MAD1L1: variants seen among roughly 807,000 people sequenced by gnomAD.
MAD1L1 encodes mitotic spindle assembly checkpoint protein MAD1.
In MAD1L1, 95 loss-of-function variants were observed where a neutral mutation model predicts 96.9. The observed-to-expected ratio is 0.98, with a 90% CI of 0.83 to 1.16. The LOEUF is 1.16. Among genes scored for constraint, MAD1L1 ranks in the 50% most tolerant of loss-of-function variants. The pLI is 0.00. For synonymous variants in MAD1L1, 473 were observed against 396.6 expected (o/e 1.19, Z -2.29); for missense variants, 1,007 against 954.4 (o/e 1.06, Z -0.73).
At chr7:2,044,651 C>G (rs1243540625) in intron 12 of MAD1L1, among the ~76,000 whole-genome samples, 4 of 152,174 alleles carry the variant, frequency 2.6e-5, no homozygotes, top group Admixed American at 6.5e-5. Context: ...CAAGCCTCTC[C>G]ACTGCTCCAG....
At chr7:2,170,756 G>T (rs571271221) in intron 10 of MAD1L1, among the ~76,000 whole-genome samples, 1 of 152,296 alleles carries the variant, frequency 6.6e-6, no homozygotes, top group East Asian at 1.9e-4. Flanking sequence ...GAACTAGCAG[G>T]ATCCCAGGAA....
intron 14 of MAD1L1, among the ~76,000 whole-genome samples, chr7:2,000,074 C>T (rs545522743): frequency 6.6e-6 from 1 of 152,290 alleles, no homozygotes; most frequent in Admixed American, 6.5e-5. Context: ...ACCTCTGACC[C>T]CAGGGCACCG....
chr7:1,832,301 G>A (rs900819021), intron 18 of MAD1L1, among the ~76,000 whole-genome samples: 14 of 152,164 alleles, frequency 9.2e-5, no homozygotes, highest in African/African-American at 3.4e-4. Flanking sequence ...TAGAAGCAGA[G>A]CCTGAAGATG....
At chr7:2,212,050 G>A (rs1282724426) in intron 10 of MAD1L1, among the ~76,000 whole-genome samples, 1 of 152,212 alleles carries the variant, frequency 6.6e-6, no homozygotes, top group Non-Finnish European at 1.5e-5. Context: ...GCGCACACAG[G>A]GCAACCAGGA....
At chr7:2,231,579 C>T (rs1455207582) in intron 1 of MAD1L1, among the ~76,000 whole-genome samples, 2 of 151,954 alleles carry the variant, frequency 1.3e-5, no homozygotes, top group Admixed American at 6.6e-5. Context: ...TGCATTCCAG[C>T]CTGGGTGCCA....
At chr7:1,975,953 G>C (rs1429996936) in intron 15 of MAD1L1, among the ~76,000 whole-genome samples, 1 of 152,230 alleles carries the variant, frequency 6.6e-6, no homozygotes, top group Non-Finnish European at 1.5e-5. Flanking sequence ...TTTAGGATTT[G>C]CTAGAGCTGC....
chr7:2,112,046 C>T lies in MAD1L1; in HGVS notation c.1073+37106G>A, dbSNP rs1016039328. ...ACGAATAAACAAGTCCCAGAGCAGC[C>T]GTGCCTGGAGCATCACTCAGCAACG... On this transcript the variant is annotated intron_variant, in intron 11 of 18. Coordinates refer to ENST00000265854, the MANE Select transcript of MAD1L1 (RefSeq NM_001013836.2). 4.6e-5 allele frequency among the ~76,000 whole-genome samples: 7 copies of T among 152,286 alleles called. No individual in the cohort carries two copies. The East Asian group carries it at 1.2e-3, about 25-fold the overall frequency.
At chr7:1,896,498 G>A (rs991519085) in intron 18 of MAD1L1, among the ~76,000 whole-genome samples, 4 of 152,204 alleles carry the variant, frequency 2.6e-5, no homozygotes, top group Admixed American at 1.3e-4. Context: ...ACTTGCTGAC[G>A]GTGTTTTTAA....
chr7:1,826,339 C>T (rs140786842), intron 18 of MAD1L1, among the ~76,000 whole-genome samples: 2,329 of 152,210 alleles, frequency 0.015, 57 homozygotes, highest in African/African-American at 0.052. Context: ...TTACCTCGGC[C>T]GAGGGCCTCC....
chr7:2,000,886 T>C (rs1284004354), intron 14 of MAD1L1, among the ~76,000 whole-genome samples: 2 of 152,194 alleles, frequency 1.3e-5, no homozygotes, highest in East Asian at 3.9e-4. Flanking sequence ...TCTGCGCCGC[T>C]GGGCAGCTTC....
At chr7:1,847,093 T>C in intron 18 of MAD1L1, 1 of 359,712 alleles carries the variant, frequency 2.8e-6, no homozygotes, top group South Asian at 2.1e-5. Flanking sequence ...CTCACATCCA[T>C]CAGGTATCTT....
chr7:2,215,864 G>A (rs575511388), intron 9 of MAD1L1, 21 bp downstream of exon 9: 73 of 1,609,452 alleles, frequency 4.5e-5, no homozygotes, highest in East Asian at 8.9e-5. Context: ...CACAGGAACC[G>A]CACACCACAC....
Position 2,114,571 on chromosome 7 carries a change from G to A in MAD1L1, c.1073+34581C>T, listed in dbSNP as rs531394807. Reference sequence around the variant, plus strand: ...CACGTGGCAGAAGGATCTTCATGAAGATGAGCATGGCTACGACTTGAACGG... The same window carrying A: ...CACGTGGCAGAAGGATCTTCATGAAAATGAGCATGGCTACGACTTGAACGG... On this transcript the variant is annotated intron_variant, in intron 11 of 18. Transcript: ENST00000265854. The surrounding 1 kb of genome is among the most constrained non-coding windows in gnomAD (Gnocchi z 4.2). 6.6e-6 allele frequency among the ~76,000 whole-genome samples: 1 copy of A among 152,278 alleles called. No homozygotes were observed. The highest frequency in any genetic ancestry group is 2.4e-5 in the African/African-American group (1 of 41,474).
chr7:2,089,660 G>A (rs1786106901), intron 11 of MAD1L1, among the ~76,000 whole-genome samples: 1 of 151,250 alleles, frequency 6.6e-6, no homozygotes, highest in Non-Finnish European at 1.5e-5. Flanking sequence ...CCTGTCCCCG[G>A]GGCCCACCCC....
At chr7:1,889,151 C>T (rs1261153059) in intron 18 of MAD1L1, among the ~76,000 whole-genome samples, 4 of 152,204 alleles carry the variant, frequency 2.6e-5, no homozygotes, top group African/African-American at 9.7e-5. Flanking sequence ...GAAGACAAGG[C>T]TTGAGGAGGT....
chr7:1,953,705 C>G (rs1195710515), intron 16 of MAD1L1, among the ~76,000 whole-genome samples: 2 of 152,228 alleles, frequency 1.3e-5, no homozygotes, highest in African/African-American at 4.8e-5. Flanking sequence ...GCCTTGGTGG[C>G]GGGTGACCAG....
rs941535151 is a variant in MAD1L1 at position 2,119,194 on chromosome 7, T to C, written c.1073+29958A>G. Among the ~76,000 whole-genome samples, 3 of 152,070 alleles carry C rather than the reference T, an allele frequency of 2.0e-5. No homozygotes were observed. The highest frequency in any genetic ancestry group is 4.4e-5 in the Non-Finnish European group (3 of 67,998). On this transcript the variant is annotated intron_variant, in intron 11 of 18. Coordinates refer to ENST00000265854, the MANE Select transcript of MAD1L1 (RefSeq NM_001013836.2). This position sits in a 1 kb window ranked among gnomAD's most constrained non-coding sequence, Gnocchi z 4.6. ...GACTCCTGCTGTGTTTCATCTACTG[T>C]GACATTTCTCCTGTCCCAGTGCCCT...
At chr7:2,112,979 G>A (rs987682971) in intron 11 of MAD1L1, among the ~76,000 whole-genome samples, 5 of 152,220 alleles carry the variant, frequency 3.3e-5, no homozygotes, top group African/African-American at 1.2e-4. Context: ...AATCCGCAGA[G>A]CACTGGGTCA....
chr7:1,850,180 C>T (rs1353269728), intron 18 of MAD1L1, among the ~76,000 whole-genome samples: 3 of 152,102 alleles, frequency 2.0e-5, no homozygotes, highest in Admixed American at 1.3e-4. Context: ...ACCTGGTGTT[C>T]GGTCCTGAAC....
Sources: allele counts gnomAD v4.1 joint callset (sites outside exome capture counted in the v4.1 genomes callset), GRCh38; gene constraint gnomAD v4.1.1; non-coding constraint Gnocchi (gnomAD v3.1); transcripts MANE v1.5; gene names NCBI Gene and HGNC (gene_info 2026-07-23, HGNC 2026-07-21).